PCDHA4: variants seen among roughly 807,000 people sequenced by gnomAD.
The protein encoded by PCDHA4 is protocadherin alpha-4.
In PCDHA4, 49 loss-of-function variants were observed where a neutral mutation model predicts 61.4. That is an observed-to-expected ratio of 0.80 (90% confidence interval 0.63 to 1.01). The LOEUF (loss-of-function observed/expected upper bound fraction) is 1.01, where lower values mean the gene tolerates loss of function less well. Among genes scored for constraint, PCDHA4 ranks in the 50% least tolerant of loss-of-function variants. The pLI is 0.00. For missense variants in PCDHA4, 1,254 were observed against 1,235.8 expected (o/e 1.01, Z -0.22); for synonymous variants, 590 against 550.3 (o/e 1.07, Z -1.01).
At chr5:140,870,289 C>G in intron 1 of PCDHA4, 1 of 1,614,214 alleles carries the variant, frequency 6.2e-7, no homozygotes, top group Non-Finnish European at 8.5e-7. Flanking sequence ...TCCCTTCAAG[C>G]TGGTGTCCAC....
At chr5:140,947,252 T>A (rs1554218120) in intron 1 of PCDHA4, among the ~76,000 whole-genome samples, 1 of 151,596 alleles carries the variant, frequency 6.6e-6, no homozygotes, top group Non-Finnish European at 1.5e-5. Flanking sequence ...GATAATCCAA[T>A]GTACCATTTG....
At chr5:140,916,186 G>A (rs1321442931) in intron 1 of PCDHA4, among the ~76,000 whole-genome samples, 3 of 152,160 alleles carry the variant, frequency 2.0e-5, no homozygotes, top group Admixed American at 6.5e-5. Flanking sequence ...CTTCAAGGAA[G>A]TGGGCACCCC....
intron 1 of PCDHA4, chr5:140,834,596 T>A: frequency 6.2e-7 from 1 of 1,613,722 alleles, no homozygotes; most frequent in South Asian, 1.1e-5. Context: ...GCAAATTCCG[T>A]GGGGATCTTC....
chr5:140,933,780 T>G (rs1404194841), intron 1 of PCDHA4, among the ~76,000 whole-genome samples: 2 of 152,124 alleles, frequency 1.3e-5, no homozygotes, highest in Non-Finnish European at 2.9e-5. Flanking sequence ...TACAGTTTTC[T>G]TTGTAGGAAA....
chr5:140,952,709 T>C (rs2094784758), intron 1 of PCDHA4, among the ~76,000 whole-genome samples: 1 of 152,208 alleles, frequency 6.6e-6, no homozygotes, highest in Non-Finnish European at 1.5e-5. Flanking sequence ...CCACTCTCAG[T>C]ATCAATTTTC....
chr5:140,924,178 A>C (rs2081709408), intron 1 of PCDHA4, among the ~76,000 whole-genome samples: 3 of 152,260 alleles, frequency 2.0e-5, no homozygotes. Context: ...GCACTGAAGC[A>C]GAAAATTAGT....
intron 1 of PCDHA4, among the ~76,000 whole-genome samples, chr5:140,913,960 TA>T (rs201352444): frequency 2.0e-5 from 3 of 152,168 alleles, no homozygotes; most frequent in Non-Finnish European, 2.9e-5. Context: ...ATATCATTTT[TA>T]AAAAAATATT....
chr5:140,833,693 T>C (rs1463559850), intron 1 of PCDHA4, among the ~76,000 whole-genome samples: 1 of 152,176 alleles, frequency 6.6e-6, no homozygotes, highest in African/African-American at 2.4e-5. Flanking sequence ...TCTCTTATTT[T>C]GTTTTCCCAA....
chr5:140,938,298 A>G (rs549354760), intron 1 of PCDHA4, among the ~76,000 whole-genome samples: 4 of 152,350 alleles, frequency 2.6e-5, no homozygotes, highest in African/African-American at 7.2e-5. Context: ...ATTGCCTATG[A>G]AATTCAGTAT....
chr5:140,837,523 T>G (rs1775100881), intron 1 of PCDHA4, among the ~76,000 whole-genome samples: 1 of 151,982 alleles, frequency 6.6e-6, no homozygotes. Flanking sequence ...TTACTTTTTT[T>G]GTATATTCCC....
intron 1 of PCDHA4, chr5:140,927,472 G>A (rs201932518): frequency 1.6e-4 from 264 of 1,614,094 alleles, no homozygotes; most frequent in Non-Finnish European, 2.0e-4. Context: ...ACTGGATCGC[G>A]AACAGCGCGC....
At chr5:140,935,255 C>T (rs914593610) in intron 1 of PCDHA4, among the ~76,000 whole-genome samples, 4 of 152,150 alleles carry the variant, frequency 2.6e-5, no homozygotes, top group African/African-American at 9.7e-5. Context: ...TAAAATACAT[C>T]ACATGTTTAT....
intron 3 of PCDHA4, among the ~76,000 whole-genome samples, chr5:140,986,736 A>G (rs1056820843): frequency 1.3e-5 from 2 of 152,206 alleles, no homozygotes; most frequent in Non-Finnish European, 2.9e-5. Flanking sequence ...TCAAGACCCC[A>G]GGGGATCTGG....
chr5:140,866,259 T>C (rs2049241676), intron 1 of PCDHA4: 1 of 152,166 alleles, frequency 6.6e-6, no homozygotes, highest in South Asian at 2.1e-4. Context: ...CCTTCTTTCT[T>C]TACTGTGAAT....
chr5:140,971,902 T>G (rs1554233695), intron 1 of PCDHA4, among the ~76,000 whole-genome samples: 2 of 152,280 alleles, frequency 1.3e-5, no homozygotes, highest in Admixed American at 1.3e-4. Flanking sequence ...GGTTAGGTAA[T>G]CTACACAGCC....
intron 1 of PCDHA4, chr5:140,835,532 A>G (rs2150237732): frequency 2.1e-5 from 34 of 1,613,822 alleles, no homozygotes; most frequent in Admixed American, 3.3e-5. Context: ...GAGTCAACGG[A>G]CAGGTTACCT....
At chr5:140,975,200 C>T (rs1469690831) in intron 1 of PCDHA4, among the ~76,000 whole-genome samples, 1 of 152,224 alleles carries the variant, frequency 6.6e-6, no homozygotes, top group Non-Finnish European at 1.5e-5. Context: ...GCTCCATCTT[C>T]ATGGCTGGCA....
At chr5:140,985,818 C>T (rs1377098916) in intron 3 of PCDHA4, among the ~76,000 whole-genome samples, 1 of 142,038 alleles carries the variant, frequency 7.0e-6, no homozygotes, top group Non-Finnish European at 1.5e-5. Flanking sequence ...CAGCTCACAA[C>T]AAGCTCTGCC....
chr5:140,830,399 A>T (rs2150186054), intron 1 of PCDHA4: 1 of 1,593,324 alleles, frequency 6.3e-7, no homozygotes, highest in Non-Finnish European at 8.6e-7. Flanking sequence ...GATGGATCTC[A>T]TGGCCTTTAG....
Sources: allele counts gnomAD v4.1 joint callset (sites outside exome capture counted in the v4.1 genomes callset), GRCh38; gene constraint gnomAD v4.1.1; transcripts MANE v1.5; gene names NCBI Gene and HGNC (gene_info 2026-07-23, HGNC 2026-07-21).